The following PTPRS variants were observed in gnomAD, a reference collection of about 807,000 sequenced individuals.
PTPRS encodes receptor-type tyrosine-protein phosphatase S.
In PTPRS, 63 loss-of-function variants were observed where a neutral mutation model predicts 215.3. The ratio of observed to expected loss-of-function variants is 0.29; its 90% CI spans 0.24 to 0.36. PTPRS has a LOEUF of 0.36. Ranked by LOEUF, PTPRS falls within the 10% of genes least tolerant of loss-of-function variation. The pLI, the probability that PTPRS is intolerant of heterozygous loss-of-function variation, is 1.00. For synonymous variants in PTPRS, 1,404 were observed against 1,191.4 expected (o/e 1.18, Z -3.68); for missense variants, 2,258 against 2,825.8 (o/e 0.80, Z 4.56).
Position 5,223,226 on chromosome 19 carries a change from C to T in PTPRS, c.2566G>A (p.Ala856Thr). ...GSLLARWEPPAGTAEDQVLGY... is the reference protein window; with the variant it reads ...GSLLARWEPPTGTAEDQVLGY... ...AGCACCTGGTCCTCCGCGGTGCCAG[C>T]CGGGGGCTCCCAGCGTGCCAGCAGG... Residue 856 changes from alanine (A) to threonine (T), a missense_variant, in exon 18 of 38, where the codon GCT becomes ACT. Transcript: ENST00000262963. 6.0e-6 allele frequency: 9 copies of T among 1,494,312 alleles called. No homozygotes were observed. The highest frequency in any genetic ancestry group is 8.0e-6 in the Non-Finnish European group (9 of 1,121,992). The allele number at this position is 1,494,312 out of a possible 1,614,324, so 92.6% of individuals were successfully genotyped here.
At chr19:5,309,051 A>T (rs780710028) in intron 1 of PTPRS, among the ~76,000 whole-genome samples, 5 of 151,804 alleles carry the variant, frequency 3.3e-5, no homozygotes, top group Non-Finnish European at 7.4e-5. Context: ...CTGGGCTCAG[A>T]GTGTGTGGAG....
At chr19:5,326,056 C>T (rs544263924) in intron 1 of PTPRS, among the ~76,000 whole-genome samples, 5 of 152,206 alleles carry the variant, frequency 3.3e-5, no homozygotes, top group South Asian at 2.1e-4. Flanking sequence ...CATGGTGAAA[C>T]GCTGTCACTA....
Position 5,210,624 on chromosome 19 carries a change from G to C in PTPRS, c.5362-30C>G. 6.2e-7 allele frequency: 1 copy of C among 1,614,062 alleles called. No homozygotes were observed. The highest frequency in any genetic ancestry group is 8.5e-7 in the Non-Finnish European group (1 of 1,180,004). ...GGAGGAGATGGCGGCCGTGGTCAGC[G>C]CTGTCTGAGCCACAGTCTGGCCCTC... On this transcript the variant is annotated intron_variant, in intron 34 of 37. Transcript: ENST00000262963. This position sits in a 1 kb window ranked among gnomAD's most constrained non-coding sequence, Gnocchi z 4.5.
At chr19:5,322,867 A>T (rs1452209810) in intron 1 of PTPRS, among the ~76,000 whole-genome samples, 6 of 140,560 alleles carry the variant, frequency 4.3e-5, no homozygotes, top group African/African-American at 1.6e-4. Context: ...CAACAAGAGC[A>T]AAACTCCGTC....
intron 9 of PTPRS, among the ~76,000 whole-genome samples, chr19:5,246,671 G>A (rs547288295): frequency 6.6e-6 from 1 of 152,326 alleles, no homozygotes; most frequent in African/African-American, 2.4e-5. Context: ...GAGACAGAGG[G>A]AGCCTGAGAT....
chr19:5,207,282 G>A (rs1026476406), intron 37 of PTPRS, among the ~76,000 whole-genome samples: 16 of 152,200 alleles, frequency 1.1e-4, no homozygotes, highest in African/African-American at 2.6e-4. Flanking sequence ...ACAGGGTTTC[G>A]CCATGTTGGC....
intron 1 of PTPRS, among the ~76,000 whole-genome samples, chr19:5,328,369 C>G (rs533184423): frequency 6.6e-6 from 1 of 152,086 alleles, no homozygotes; most frequent in East Asian, 2.0e-4. Flanking sequence ...CTCGGCCTCC[C>G]AAAGCGCTGG....
Position 5,223,035 on chromosome 19 carries a change from C to A in PTPRS, c.2757G>T (p.Glu919Asp). The change falls in exon 18 of 38, where the codon GAG becomes GAT. Residue 919 changes from glutamate to aspartate, a missense_variant. Physicochemically the swap from Glu to Asp is conservative, Grantham distance 45. This residue lies in a region of PTPRS where 361 missense variants were observed against 332.6 expected (regional missense o/e 1.09). Coordinates refer to ENST00000262963, the MANE Select transcript of PTPRS (RefSeq NM_002850.4). ...SRGGLGEEAA[E>D]VLSIPEDTPR... ...GCGTGTCCTCCGGGATGCTCAGGAC[C>A]TCGGCTGCCTCCTCGCCCAGGCCGC... is the stretch of plus-strand genomic sequence containing the variant. 6.5e-7 allele frequency: 1 copy of A among 1,546,956 alleles called. No homozygotes were observed. The highest frequency in any genetic ancestry group is 1.7e-4 in the Middle Eastern group (1 of 5,966).
At chr19:5,218,736 C>G (rs747936782) in intron 24 of PTPRS, 51 bp downstream of exon 24, 5 of 1,603,542 alleles carry the variant, frequency 3.1e-6, no homozygotes, top group Non-Finnish European at 4.3e-6. Context: ...AGCCCATTCC[C>G]TGTCCTCTTC....
At chr19:5,230,387 T>C (rs2042914474) in intron 14 of PTPRS, among the ~76,000 whole-genome samples, 1 of 152,168 alleles carries the variant, frequency 6.6e-6, no homozygotes. Flanking sequence ...AGCTTTGAAC[T>C]CCTGGGCTTA....
intron 1 of PTPRS, among the ~76,000 whole-genome samples, chr19:5,302,272 G>A (rs1447717173): frequency 6.6e-6 from 1 of 152,134 alleles, no homozygotes; most frequent in Non-Finnish European, 1.5e-5. Context: ...GCTGAGGCAG[G>A]AGGATTGCTT....
chr19:5,317,441 C>T (rs539514760), intron 1 of PTPRS, among the ~76,000 whole-genome samples: 21 of 152,284 alleles, frequency 1.4e-4, no homozygotes, highest in African/African-American at 5.1e-4. Context: ...CACTGCACCC[C>T]AGACTGGGAG....
Position 5,309,375 on chromosome 19 carries a change from C to T in PTPRS, c.-94-23141G>A, listed in dbSNP as rs540400460. Among the ~76,000 whole-genome samples the T allele has an allele frequency of 4.6e-5, 7 of 152,310 alleles. No homozygotes were observed. In the East Asian group the frequency reaches 1.4e-3, roughly 29 times the overall value. ...CCTCCCAGGGCCCTGTCTATGCAGG[C>T]CACTCTCTAAGTGCTTGACGCATAT... On this transcript the variant is annotated intron_variant, in intron 1 of 37. Coordinates refer to ENST00000262963, the MANE Select transcript of PTPRS (RefSeq NM_002850.4).
chr19:5,315,357 T>TC (rs2049839791), intron 1 of PTPRS, among the ~76,000 whole-genome samples: 1 of 82,800 alleles, frequency 1.2e-5, no homozygotes, highest in East Asian at 3.3e-4. Context: ...AAGGGTTTTT[T>TC]TTTTTTTTTT....
At chr19:5,218,397 T>C (rs2041678089) in intron 25 of PTPRS, 23 bp downstream of exon 25, 1 of 1,601,284 alleles carries the variant, frequency 6.2e-7, no homozygotes, top group South Asian at 1.1e-5. Context: ...GTGGCATCCC[T>C]GGTACCAGGG....
At chr19:5,261,909 G>A (rs1420872140) in intron 6 of PTPRS, among the ~76,000 whole-genome samples, 1 of 152,216 alleles carries the variant, frequency 6.6e-6, no homozygotes, top group Non-Finnish European at 1.5e-5. Context: ...ACTGGAATCC[G>A]AGTCAGCGGA....
At chr19:5,309,977 C>T (rs1600095463) in intron 1 of PTPRS, among the ~76,000 whole-genome samples, 1 of 152,322 alleles carries the variant, frequency 6.6e-6, no homozygotes, top group East Asian at 1.9e-4. Context: ...CCACCTCCCT[C>T]AGAGTAAACG....
At position 5,221,495 on chromosome 19, in the gene PTPRS, T is replaced by C. The variant is rs552838528; in HGVS notation, c.3202-242A>G. On this transcript the variant is annotated intron_variant, in intron 19 of 37. Transcript: ENST00000262963. Reference sequence around the variant, plus strand: ...ATTCCAGCTGAGTCCTGATCCTAGGTAGAAGCCCACTTTGACTGAGCCCTG... The same window carrying C: ...ATTCCAGCTGAGTCCTGATCCTAGGCAGAAGCCCACTTTGACTGAGCCCTG... 4.6e-5 allele frequency among the ~76,000 whole-genome samples: 7 copies of C among 151,518 alleles called. No individual in the cohort carries two copies. In the East Asian group the frequency reaches 1.2e-3, roughly 25 times the overall value.
At chr19:5,239,688 T>C (rs1444445179) in intron 12 of PTPRS, among the ~76,000 whole-genome samples, 2 of 122,260 alleles carry the variant, frequency 1.6e-5, no homozygotes, top group African/African-American at 3.2e-5. Context: ...GAGACAGAAA[T>C]AGAGATAGAG....
Sources: gnomAD v4.1 joint callset for allele counts (sites outside exome capture counted in the v4.1 genomes callset) on GRCh38, gnomAD v4.1.1 for gene constraint, gnomAD v4.1.1 regional missense constraint, Gnocchi (gnomAD v3.1) non-coding constraint, MANE v1.5 for transcripts, NCBI Gene and HGNC (gene_info 2026-07-23, HGNC 2026-07-21) for gene names.